Variants in GAB2 observed in about 807,000 individuals in gnomAD.
GAB2 encodes GRB2 associated binding protein 2.
In GAB2, 26 loss-of-function variants were observed where a neutral mutation model predicts 65.5. The observed-to-expected ratio is 0.40, with a 90% CI of 0.29 to 0.55. The LOEUF is 0.55. GAB2 is among the 20% of genes least tolerant of loss of function. The pLI is 0.53. For synonymous variants in GAB2, 321 were observed against 329.6 expected (o/e 0.97, Z 0.28); for missense variants, 884 against 875.8 (o/e 1.01, Z -0.12).
chr11:78,416,136 GAAAA>G (rs146468362), intron 1 of GAB2, among the ~76,000 whole-genome samples: 1 of 151,592 alleles, frequency 6.6e-6, no homozygotes, highest in Non-Finnish European at 1.5e-5. Flanking sequence ...CCCTGAAGAG[GAAAA>G]AAGTTTATTT....
At chr11:78,241,623 C>T (rs1389499811) in intron 3 of GAB2, among the ~76,000 whole-genome samples, 2 of 148,312 alleles carry the variant, frequency 1.3e-5, no homozygotes, top group African/African-American at 4.9e-5. Context: ...AAAAAAAAAA[C>T]CCAGAAATCT....
Position 78,221,699 on chromosome 11 carries a change from C to G in GAB2, c.1739G>C (p.Ser580Thr). The G allele has an allele frequency of 6.2e-7, 1 of 1,612,828 alleles. No individual in the cohort carries two copies. The highest frequency in any genetic ancestry group is 2.2e-5 in the East Asian group (1 of 44,876). The change falls in exon 8 of 10, where the codon AGC becomes ACC. Residue 580 changes from serine to threonine, a missense_variant. By Grantham distance (58) the Ser-to-Thr change is moderately conservative. Coordinates refer to ENST00000361507, the MANE Select transcript of GAB2 (RefSeq NM_080491.3). ...QSITSTDSGDSEENYVPMQNP... is the reference protein window; with the variant it reads ...QSITSTDSGDTEENYVPMQNP... ...CACCATAGGGACATAGTTCTCTTCG[C>G]TGTCTCCTGAGTCTGTGCTGGTGAT...
chr11:78,307,606 G>C (rs531106108), intron 1 of GAB2, among the ~76,000 whole-genome samples: 38 of 144,220 alleles, frequency 2.6e-4, no homozygotes, highest in South Asian at 1.1e-3. Context: ...AAAAATGTTA[G>C]AGAGAGAGAG....
chr11:78,307,716 C>A (rs761010412), intron 1 of GAB2, among the ~76,000 whole-genome samples: 169 of 151,852 alleles, frequency 1.1e-3, no homozygotes, highest in Non-Finnish European at 1.5e-3. Flanking sequence ...ATTGAATCTG[C>A]AAACATAGGA....
At chr11:78,290,606 C>A (rs747592039) in intron 1 of GAB2, among the ~76,000 whole-genome samples, 5 of 152,138 alleles carry the variant, frequency 3.3e-5, no homozygotes, top group African/African-American at 7.2e-5. Context: ...TGTTATGCTC[C>A]CTTCTGGTGA....
At chr11:78,252,459 A>C (rs758133205) in intron 2 of GAB2, among the ~76,000 whole-genome samples, 2 of 152,234 alleles carry the variant, frequency 1.3e-5, no homozygotes, top group Admixed American at 6.5e-5. Context: ...GGCCATGGAA[A>C]GAATACAAGC....
At chr11:78,249,806 T>G (rs1865396173) in intron 3 of GAB2, among the ~76,000 whole-genome samples, 1 of 152,058 alleles carries the variant, frequency 6.6e-6, no homozygotes, top group Admixed American at 6.6e-5. Context: ...TGAACTATGT[T>G]ATGGTTTTAT....
intron 1 of GAB2, among the ~76,000 whole-genome samples, chr11:78,371,805 G>T (rs1276497280): frequency 1.3e-5 from 2 of 152,124 alleles, no homozygotes; most frequent in Non-Finnish European, 2.9e-5. Flanking sequence ...TCTGACAGCT[G>T]TACCGGCCAG....
At chr11:78,316,496 A>T (rs1014988084) in intron 1 of GAB2, among the ~76,000 whole-genome samples, 3 of 152,230 alleles carry the variant, frequency 2.0e-5, no homozygotes, top group African/African-American at 7.2e-5. Flanking sequence ...TTGAATAGAC[A>T]TCTCTCCAAA....
intron 3 of GAB2, among the ~76,000 whole-genome samples, chr11:78,248,470 G>T (rs1331486234): frequency 6.6e-6 from 1 of 152,194 alleles, no homozygotes; most frequent in African/African-American, 2.4e-5. Flanking sequence ...ATTTCAGTAA[G>T]ATCTTCAGGT....
At chr11:78,298,247 G>A (rs1866895380) in intron 1 of GAB2, among the ~76,000 whole-genome samples, 1 of 152,168 alleles carries the variant, frequency 6.6e-6, no homozygotes, top group South Asian at 2.1e-4. Context: ...AGGCTGAAAT[G>A]ACTAACCTTG....
At chr11:78,361,982 C>T (rs935509261) in intron 1 of GAB2, among the ~76,000 whole-genome samples, 1 of 151,782 alleles carries the variant, frequency 6.6e-6, no homozygotes, top group Admixed American at 6.6e-5. Context: ...TATGCCTTCA[C>T]CAATTGATGT....
intron 1 of GAB2, among the ~76,000 whole-genome samples, chr11:78,390,844 TC>T (rs886909747): frequency 5.3e-5 from 8 of 152,206 alleles, no homozygotes; most frequent in African/African-American, 1.9e-4. Context: ...CATTACATAA[TC>T]CGTGATATGT....
chr11:78,375,070 G>T lies in GAB2; in HGVS notation c.75+42576C>A, dbSNP rs564853207. On this transcript the variant is annotated intron_variant, in intron 1 of 9. Coordinates refer to ENST00000361507, the MANE Select transcript of GAB2 (RefSeq NM_080491.3). ...TATTTTGTATTTTCTTTAGAGGCAG[G>T]GTCTTGCTCTGTCACCCACACTAGA... 7.2e-5 allele frequency among the ~76,000 whole-genome samples: 11 copies of T among 152,202 alleles called. No homozygotes were observed. The South Asian group carries it at 2.3e-3, about 32-fold the overall frequency.
intron 1 of GAB2, among the ~76,000 whole-genome samples, chr11:78,381,597 A>G (rs1459858688): frequency 6.6e-6 from 1 of 152,156 alleles, no homozygotes; most frequent in African/African-American, 2.4e-5. Context: ...TTTCCCTAGA[A>G]GCCTGTTTCT....
chr11:78,255,864 A>G (rs1865583176), intron 2 of GAB2, among the ~76,000 whole-genome samples: 1 of 152,236 alleles, frequency 6.6e-6, no homozygotes, highest in African/African-American at 2.4e-5. Context: ...TCATAGAACA[A>G]AAGCGACATG....
At chr11:78,293,279 A>G (rs1328582939) in intron 1 of GAB2, among the ~76,000 whole-genome samples, 1 of 152,240 alleles carries the variant, frequency 6.6e-6, no homozygotes, top group African/African-American at 2.4e-5. Flanking sequence ...CCTCGGGCAC[A>G]GAATGAATTT....
In GAB2 at chr11:78,331,123, C is replaced by A. The variant is rs952650871; in HGVS notation, c.76-50222G>T. On this transcript the variant is annotated intron_variant, in intron 1 of 9. Coordinates refer to ENST00000361507, the MANE Select transcript of GAB2 (RefSeq NM_080491.3). ...CCGGGAGGTGGAGGTTGCAGTCAGCCGAAATCGCGCCACTGCACTCCAGCC... is the reference window on the plus strand; with the variant it reads ...CCGGGAGGTGGAGGTTGCAGTCAGCAGAAATCGCGCCACTGCACTCCAGCC... Among the ~76,000 whole-genome samples, 3 of 151,818 alleles carry A rather than the reference C, an allele frequency of 2.0e-5. No homozygotes were observed. The East Asian group carries it at 5.8e-4, about 30-fold the overall frequency.
chr11:78,411,393 G>A (rs1857127475), intron 1 of GAB2, among the ~76,000 whole-genome samples: 1 of 152,082 alleles, frequency 6.6e-6, no homozygotes, highest in Non-Finnish European at 1.5e-5. Context: ...TAATAGAATA[G>A]CTAAAACACT....
Sources: allele counts gnomAD v4.1 joint callset (sites outside exome capture counted in the v4.1 genomes callset), GRCh38; gene constraint gnomAD v4.1.1; transcripts MANE v1.5; gene names NCBI Gene and HGNC (gene_info 2026-07-23, HGNC 2026-07-21).